Variants in GMDS observed in about 807,000 individuals in gnomAD.
GMDS encodes GDP-mannose 4,6 dehydratase.
GMDS carries 20 observed loss-of-function variants against 49.9 expected under a neutral mutation model. The ratio of observed to expected loss-of-function variants is 0.40; its 90% confidence interval spans 0.28 to 0.58. The LOEUF is 0.58. GMDS is among the 20% of genes least tolerant of loss of function. The pLI is 0.42. For synonymous variants in GMDS, 177 were observed against 178.6 expected (o/e 0.99, Z 0.07); for missense variants, 362 against 481.4 (o/e 0.75, Z 2.32).
At chr6:1,771,701 T>C (rs551112319) in intron 7 of GMDS, among the ~76,000 whole-genome samples, 6 of 152,368 alleles carry the variant, frequency 3.9e-5, no homozygotes, top group Non-Finnish European at 7.3e-5. Context: ...AGATGTTCGC[T>C]GATCTGTCAA....
intron 7 of GMDS, among the ~76,000 whole-genome samples, chr6:1,912,858 C>T (rs1046461715): frequency 2.6e-5 from 4 of 152,144 alleles, no homozygotes; most frequent in Non-Finnish European, 5.9e-5. Flanking sequence ...GCACACACCC[C>T]TCTGAAAATG....
chr6:1,682,422 A>T (rs142964924), intron 9 of GMDS, among the ~76,000 whole-genome samples: 1 of 152,146 alleles, frequency 6.6e-6, no homozygotes, highest in Non-Finnish European at 1.5e-5. Flanking sequence ...AGCCCACATG[A>T]AAGAGATTGA....
chr6:2,146,643 T>C (rs1013143214), intron 1 of GMDS, among the ~76,000 whole-genome samples: 1 of 152,298 alleles, frequency 6.6e-6, no homozygotes, highest in Non-Finnish European at 1.5e-5. Context: ...TCTTTTGTAC[T>C]CTGTATTCTT....
At position 2,095,219 on chromosome 6, in the gene GMDS, T is replaced by C. The variant is rs76477294; in HGVS notation, c.345+20552A>G. 6.6e-5 allele frequency among the ~76,000 whole-genome samples: 10 copies of C among 152,318 alleles called. No homozygotes were observed. In the East Asian group the frequency reaches 1.5e-3, roughly 24 times the overall value. On this transcript the variant is annotated intron_variant, in intron 4 of 10. Coordinates refer to ENST00000380815, the MANE Select transcript of GMDS (RefSeq NM_001500.4). ...GTGCACACCTGATCATCACTGTTAATGCCAGTTACTTGAGTTAAATAGTGC... is the reference window on the plus strand; with the variant it reads ...GTGCACACCTGATCATCACTGTTAACGCCAGTTACTTGAGTTAAATAGTGC...
chr6:1,832,396 C>T (rs1014811008), intron 7 of GMDS, among the ~76,000 whole-genome samples: 8 of 149,058 alleles, frequency 5.4e-5, no homozygotes, highest in South Asian at 4.4e-4. Context: ...CTCTATACCC[C>T]TACAAAAAAA....
At chr6:1,651,220 C>A (rs1410519270) in intron 9 of GMDS, among the ~76,000 whole-genome samples, 1 of 152,190 alleles carries the variant, frequency 6.6e-6, no homozygotes, top group Non-Finnish European at 1.5e-5. Context: ...AGCATGCACC[C>A]CTTCTCACTG....
Position 1,721,095 on chromosome 6 carries a change from A to G in GMDS, c.987+5321T>C, listed in dbSNP as rs147148128. Among the ~76,000 whole-genome samples, 12 of 152,242 alleles carry G rather than the reference A, an allele frequency of 7.9e-5. No individual in the cohort carries two copies. The East Asian group carries it at 1.5e-3, about 20-fold the overall frequency. On this transcript the variant is annotated intron_variant, in intron 9 of 10. Coordinates refer to ENST00000380815, the MANE Select transcript of GMDS (RefSeq NM_001500.4). ...TCCTGAGGTCTGGAAAGTGTTACAT[A>G]TCATTATTCTAAACAGGGCTATGAG...
chr6:1,963,718 G>C (rs572844069), intron 4 of GMDS, among the ~76,000 whole-genome samples: 10 of 152,284 alleles, frequency 6.6e-5, no homozygotes, highest in Admixed American at 2.0e-4. Context: ...AGGAAACAGT[G>C]CATTGAGAAG....
chr6:1,948,521 G>A (rs937082822), intron 6 of GMDS, among the ~76,000 whole-genome samples: 1 of 152,052 alleles, frequency 6.6e-6, no homozygotes, highest in Non-Finnish European at 1.5e-5. Context: ...GCCTGGTGTG[G>A]TAGTGTACAC....
At chr6:2,095,620 G>C (rs1051751072) in intron 4 of GMDS, among the ~76,000 whole-genome samples, 2 of 152,150 alleles carry the variant, frequency 1.3e-5, no homozygotes, top group Non-Finnish European at 2.9e-5. Context: ...CGGTGTTGCA[G>C]AATCAGTGAA....
At chr6:1,762,726 G>C (rs1477519273) in intron 7 of GMDS, among the ~76,000 whole-genome samples, 1 of 152,222 alleles carries the variant, frequency 6.6e-6, no homozygotes. Flanking sequence ...TCTTCAAAAT[G>C]AAGCCCGACA....
chr6:2,210,901 GT>G (rs1282271687), intron 1 of GMDS, among the ~76,000 whole-genome samples: 3 of 152,196 alleles, frequency 2.0e-5, no homozygotes, highest in Non-Finnish European at 4.4e-5. Flanking sequence ...GGGGGCGGAT[GT>G]CCCCCTTTCT....
At chr6:1,781,721 T>C (rs1561801002) in intron 7 of GMDS, among the ~76,000 whole-genome samples, 1 of 152,220 alleles carries the variant, frequency 6.6e-6, no homozygotes, top group Non-Finnish European at 1.5e-5. Flanking sequence ...TGGTCATAAC[T>C]TCCTTTCCTT....
At chr6:2,061,844 G>C (rs191599387) in intron 4 of GMDS, among the ~76,000 whole-genome samples, 8 of 152,074 alleles carry the variant, frequency 5.3e-5, no homozygotes, top group African/African-American at 1.9e-4. Context: ...GGAGACTAGA[G>C]GGTAGAGGAA....
At chr6:2,236,342 C>A (rs748556327) in intron 1 of GMDS, among the ~76,000 whole-genome samples, 3 of 152,232 alleles carry the variant, frequency 2.0e-5, no homozygotes, top group African/African-American at 7.2e-5. Flanking sequence ...TGCCATCATC[C>A]GTGGAATTTT....
chr6:1,987,940 G>C (rs778128849), intron 4 of GMDS, among the ~76,000 whole-genome samples: 98 of 152,044 alleles, frequency 6.4e-4, no homozygotes, highest in South Asian at 4.1e-4. Context: ...AGCAATTAAG[G>C]AGCTTGCTTA....
intron 4 of GMDS, among the ~76,000 whole-genome samples, chr6:2,049,969 C>A (rs919701043): frequency 6.6e-6 from 1 of 152,082 alleles, no homozygotes; most frequent in South Asian, 2.1e-4. Flanking sequence ...ATTAACAGAA[C>A]TAGAGAAGCA....
chr6:2,128,684 A>C (rs1335018820), intron 1 of GMDS, among the ~76,000 whole-genome samples: 1 of 152,228 alleles, frequency 6.6e-6, no homozygotes, highest in African/African-American at 2.4e-5. Flanking sequence ...CAACAAAATA[A>C]TAAGAGACCA....
At chr6:1,876,701 A>G (rs1373405422) in intron 7 of GMDS, among the ~76,000 whole-genome samples, 1 of 152,386 alleles carries the variant, frequency 6.6e-6, no homozygotes, top group East Asian at 1.9e-4. Context: ...CAATATAAAT[A>G]TAAATACAAT....
Sources: gnomAD v4.1 joint callset for allele counts (sites outside exome capture counted in the v4.1 genomes callset) on GRCh38, gnomAD v4.1.1 for gene constraint, MANE v1.5 for transcripts, NCBI Gene and HGNC (gene_info 2026-07-23, HGNC 2026-07-21) for gene names.